Variants in CHD2 observed in about 807,000 individuals in gnomAD.
CHD2 encodes the protein chromodomain helicase DNA binding protein 2.
In CHD2, 28 loss-of-function variants were observed where a neutral mutation model predicts 243.9. That is an observed-to-expected ratio of 0.11 (90% CI 0.09 to 0.16). The LOEUF (loss-of-function observed/expected upper bound fraction) is 0.16. Among genes scored for constraint, CHD2 ranks in the 10% least tolerant of loss-of-function variants. CHD2 has a pLI of 1.00. For synonymous variants in CHD2, 775 were observed against 779.0 expected, an observed-to-expected ratio of 0.99 and a Z score of 0.09; for missense variants, 1,386 against 2,209.8, an observed-to-expected ratio of 0.63 and a Z score of 7.47.
intron 2 of CHD2, among the ~76,000 whole-genome samples, chr15:92,910,113 TCTC>T (rs929359573): frequency 3.3e-5 from 5 of 151,878 alleles, no homozygotes; most frequent in African/African-American, 1.2e-4. Context: ...CTCAAGCAGT[TCTC>T]CTGCCTTAGC....
intron 34 of CHD2, among the ~76,000 whole-genome samples, chr15:93,005,135 G>C (rs566496282): frequency 1.1e-4 from 17 of 152,268 alleles, no homozygotes; most frequent in Non-Finnish European, 1.6e-4. Context: ...CTGTACATTG[G>C]AGTAGGGGAG....
intron 38 of CHD2, among the ~76,000 whole-genome samples, chr15:93,022,471 A>G (rs1220578017): frequency 6.6e-6 from 1 of 152,160 alleles, no homozygotes; most frequent in Non-Finnish European, 1.5e-5. Context: ...ACATACCCAA[A>G]CCGTATCACC....
At chr15:92,936,518 T>C (rs1216283296) in intron 5 of CHD2, among the ~76,000 whole-genome samples, 1 of 152,178 alleles carries the variant, frequency 6.6e-6, no homozygotes, top group Non-Finnish European at 1.5e-5. Context: ...TAAAACTGTT[T>C]GGGATAGTAG....
intron 2 of CHD2, among the ~76,000 whole-genome samples, chr15:92,909,939 CGTGTGTGTGTGT>C (rs57621949): frequency 0.59 from 88,511 of 149,076 alleles, 26,444 homozygotes; most frequent in East Asian, 0.8. Flanking sequence ...AAGGGTTTTA[CGTGTGTGTGTGT>C]GTGTGTGTGT....
rs1308086750 is a variant in CHD2 at position 93,004,648 on chromosome 15, A to C, written c.4310A>C (p.Lys1437Thr). ...AGTGGTGATGCCAAATCTTCGAGTA[A>C]ATCAAAGCGATCTCAGGGTCCTGTC... The part of the protein sequence containing the change: ...PKSGDAKSSS[K>T]SKRSQGPVHI... The change falls in exon 34 of 39, where the codon AAA becomes ACA. Residue 1437 changes from lysine (K) to threonine (T), a missense_variant. By Grantham distance (78) the Lys-to-Thr change is moderately conservative. This residue lies in a region of CHD2 where 125 missense variants were observed against 128.9 expected (regional missense o/e 0.97). Coordinates refer to ENST00000394196, the MANE Select transcript of CHD2 (RefSeq NM_001271.4). The C allele has an allele frequency of 1.2e-6, 2 of 1,613,168 alleles. No homozygotes were observed. The highest frequency in any genetic ancestry group is 1.7e-6 in the Non-Finnish European group (2 of 1,179,470).
chr15:92,939,756 T>C (rs1457209981), intron 7 of CHD2, 38 bp downstream of exon 7: 6 of 1,590,534 alleles, frequency 3.8e-6, no homozygotes, highest in Middle Eastern at 1.7e-4. Context: ...TGGTGTGATG[T>C]GATAAAGTAG....
At chr15:93,013,019 A>G (rs894415259) in intron 36 of CHD2, among the ~76,000 whole-genome samples, 1 of 152,226 alleles carries the variant, frequency 6.6e-6, no homozygotes, top group African/African-American at 2.4e-5. Flanking sequence ...TCAATCTGTG[A>G]GCATTAAATA....
At chr15:92,986,257 A>G (rs1026230634) in intron 26 of CHD2, among the ~76,000 whole-genome samples, 5 of 152,214 alleles carry the variant, frequency 3.3e-5, no homozygotes, top group African/African-American at 1.2e-4. Flanking sequence ...CTCCATAAAA[A>G]AATCTAAAAT....
intron 11 of CHD2, 72 bp from the exon 12 acceptor site, chr15:92,945,966 C>A (rs2053461342): frequency 6.8e-7 from 1 of 1,466,362 alleles, no homozygotes; most frequent in Non-Finnish European, 9.3e-7. Flanking sequence ...ATTGATTATG[C>A]ATAAAACAGA....
rs1491314781 is a variant in CHD2, at chr15:93,014,950, A to AT, written c.4906+42dup. ...GAGTTTTTAAAAGAGGTGCCAAAAGATAAAAAATTCACACAGCCGTTTCAT... is the reference window on the plus strand; with the variant it reads ...GAGTTTTTAAAAGAGGTGCCAAAAGATTAAAAAATTCACACAGCCGTTTCAT... On this transcript the variant is annotated intron_variant, in intron 37 of 38. Transcript: ENST00000394196. 4.5e-6 allele frequency: 7 copies of AT among 1,547,286 alleles called. No individual in the cohort carries two copies. In the East Asian group the frequency reaches 1.4e-4, roughly 30 times the overall value.
chr15:92,932,082 T>C (rs1328168120), intron 5 of CHD2, among the ~76,000 whole-genome samples: 1 of 152,184 alleles, frequency 6.6e-6, no homozygotes, highest in African/African-American at 2.4e-5. Flanking sequence ...CAGGATGGTC[T>C]CAGTCTCTTG....
intron 27 of CHD2, 87 bp downstream of exon 27, chr15:92,991,604 T>C (rs2054120566): frequency 4.4e-6 from 4 of 916,442 alleles, no homozygotes; most frequent in Non-Finnish European, 6.6e-6. Flanking sequence ...TTCCATTTAA[T>C]ACTAATGCTG....
chr15:93,006,404 C>T (rs1239386788), intron 34 of CHD2, among the ~76,000 whole-genome samples: 2 of 152,066 alleles, frequency 1.3e-5, no homozygotes, highest in East Asian at 1.9e-4. Flanking sequence ...GGATTACAGG[C>T]GTGAGCCACC....
chr15:92,960,722 T>G (rs1345045658), intron 16 of CHD2, among the ~76,000 whole-genome samples: 1 of 144,316 alleles, frequency 6.9e-6, no homozygotes, highest in Non-Finnish European at 1.5e-5. Flanking sequence ...TTTTTTTTTT[T>G]TTTTTTTTTT....
intron 10 of CHD2, chr15:92,945,043 T>C (rs1267616418): frequency 6.6e-6 from 1 of 152,362 alleles, no homozygotes; most frequent in African/African-American, 2.4e-5. Flanking sequence ...CTTTTGGAAG[T>C]CAGAAAGAAG....
chr15:93,022,334 C>T (rs2054543946), intron 38 of CHD2, among the ~76,000 whole-genome samples: 1 of 152,152 alleles, frequency 6.6e-6, no homozygotes, highest in Non-Finnish European at 1.5e-5. Context: ...AGCACCAGCT[C>T]TCACGTGAAC....
chr15:92,918,702 G>A (rs2052889581), intron 2 of CHD2, among the ~76,000 whole-genome samples: 1 of 151,550 alleles, frequency 6.6e-6, no homozygotes, highest in Non-Finnish European at 1.5e-5. Context: ...TAATTATTAG[G>A]TATTAATGGC....
chr15:92,913,197 T>C (rs2052772875), intron 2 of CHD2, among the ~76,000 whole-genome samples: 1 of 152,194 alleles, frequency 6.6e-6, no homozygotes, highest in South Asian at 2.1e-4. Flanking sequence ...GAGGCAAGTT[T>C]GGGAATAAGG....
chr15:92,934,470 C>T (rs1428936727), intron 5 of CHD2, among the ~76,000 whole-genome samples: 2 of 152,112 alleles, frequency 1.3e-5, no homozygotes, highest in Non-Finnish European at 2.9e-5. Context: ...TTGTAAGTTT[C>T]CTTTGATAGA....
Sources: allele counts gnomAD v4.1 joint callset (sites outside exome capture counted in the v4.1 genomes callset), GRCh38; gene constraint gnomAD v4.1.1; regional missense constraint gnomAD v4.1.1; transcripts MANE v1.5; gene names NCBI Gene and HGNC (gene_info 2026-07-23, HGNC 2026-07-21).